HIP1: variants seen among roughly 807,000 people sequenced by gnomAD.
HIP1 encodes huntingtin interacting protein 1, also known as huntingtin-interacting protein 1.
A neutral mutation model predicts 147.6 loss-of-function variants in HIP1; 65 were observed. The ratio of observed to expected loss-of-function variants is 0.44; its 90% CI spans 0.36 to 0.54. The LOEUF (loss-of-function observed/expected upper bound fraction) is 0.54. Among genes scored for constraint, HIP1 ranks in the 20% least tolerant of loss-of-function variants. The probability of loss-of-function intolerance (pLI) is 0.00; values close to 1 mark genes in which losing one functional copy is unlikely to be tolerated. For missense variants in HIP1, 1,061 were observed against 1,299.6 expected (o/e 0.82, Z 2.82); for synonymous variants, 479 against 504.0 (o/e 0.95, Z 0.67).
At chr7:75,659,466 T>A (rs1243544715) in intron 1 of HIP1, among the ~76,000 whole-genome samples, 1 of 151,910 alleles carries the variant, frequency 6.6e-6, no homozygotes, top group Non-Finnish European at 1.5e-5. Context: ...CTGGCCAACC[T>A]GGCAAAACCC....
intron 1 of HIP1, among the ~76,000 whole-genome samples, chr7:75,710,595 C>A (rs993119435): frequency 2.6e-5 from 4 of 152,002 alleles, no homozygotes; most frequent in African/African-American, 9.7e-5. Context: ...TAGTTCTAAA[C>A]GATCTTGTAA....
At chr7:75,596,973 C>T (rs1322384693) in intron 2 of HIP1, among the ~76,000 whole-genome samples, 2 of 152,172 alleles carry the variant, frequency 1.3e-5, no homozygotes, top group Admixed American at 6.5e-5. Flanking sequence ...ACAAATTATT[C>T]GTAGGTAAGG....
chr7:75,677,503 G>A (rs1456688893), intron 1 of HIP1, among the ~76,000 whole-genome samples: 5 of 150,130 alleles, frequency 3.3e-5, no homozygotes, highest in Non-Finnish European at 1.5e-5. Flanking sequence ...CTACTCAGGA[G>A]GTTGAGGCAT....
Position 75,581,739 on chromosome 7 carries a change from A to G in HIP1, c.542+336T>C, listed in dbSNP as rs369302107. 3.9e-5 allele frequency among the ~76,000 whole-genome samples: 6 copies of G among 152,292 alleles called. No homozygotes were observed. In the East Asian group the frequency reaches 9.7e-4, roughly 25 times the overall value. On this transcript the variant is annotated intron_variant, in intron 6 of 30. Coordinates refer to ENST00000336926, the MANE Select transcript of HIP1 (RefSeq NM_005338.7). ...GGCTGCAGTAAGCCGAGATCAAGTC[A>G]CTGCACTCCAGCCTGGGTAACAGGG...
intron 1 of HIP1, among the ~76,000 whole-genome samples, chr7:75,660,337 G>A (rs900746656): frequency 6.6e-6 from 1 of 151,234 alleles, no homozygotes; most frequent in African/African-American, 2.4e-5. Context: ...GACCAGCCTG[G>A]CCAACATGGC....
intron 1 of HIP1, among the ~76,000 whole-genome samples, chr7:75,599,630 G>A (rs1211338809): frequency 2.0e-5 from 3 of 152,098 alleles, no homozygotes; most frequent in African/African-American, 4.8e-5. Flanking sequence ...GGGAGCGACC[G>A]TGGCCCAAGA....
intron 12 of HIP1, 61 bp downstream of exon 12, chr7:75,562,012 G>C (rs1433828755): frequency 2.1e-6 from 2 of 954,374 alleles, no homozygotes; most frequent in South Asian, 1.3e-5. Context: ...TTAGTGTTTT[G>C]AGGCAGACCA....
chr7:75,661,330 C>T (rs1010599822), intron 1 of HIP1, among the ~76,000 whole-genome samples: 28 of 149,902 alleles, frequency 1.9e-4, no homozygotes, highest in Middle Eastern at 3.5e-3. Flanking sequence ...CCCAGTACTT[C>T]GGGAAGCCAA....
At chr7:75,619,084 C>T (rs1472428374) in intron 1 of HIP1, among the ~76,000 whole-genome samples, 4 of 152,094 alleles carry the variant, frequency 2.6e-5, no homozygotes, top group Non-Finnish European at 5.9e-5. Flanking sequence ...TCCTGTACCC[C>T]GAGTTTGTAC....
intron 1 of HIP1, among the ~76,000 whole-genome samples, chr7:75,670,940 T>G (rs1011296369): frequency 2.0e-5 from 3 of 151,790 alleles, no homozygotes; most frequent in African/African-American, 7.3e-5. Context: ...CTACTTTCTA[T>G]CTCTACGATT....
intron 4 of HIP1, among the ~76,000 whole-genome samples, chr7:75,588,701 G>A (rs1196163664): frequency 1.3e-5 from 2 of 152,072 alleles, no homozygotes; most frequent in Non-Finnish European, 2.9e-5. Context: ...CTGAGCTCAG[G>A]AGGTTGAGGC....
intron 1 of HIP1, among the ~76,000 whole-genome samples, chr7:75,730,875 C>T (rs782776947): frequency 2.6e-5 from 4 of 151,292 alleles, no homozygotes; most frequent in Non-Finnish European, 5.9e-5. Context: ...GCTGGGATTA[C>T]AGGCATGCAC....
At chr7:75,559,699 C>CGG in intron 14 of HIP1, 33 bp downstream of exon 14, 6 of 1,226,528 alleles carry the variant, frequency 4.9e-6, no homozygotes, top group Non-Finnish European at 5.7e-6. Flanking sequence ...CGCCTGCCCC[C>CGG]GGGGCCCGCC....
intron 1 of HIP1, among the ~76,000 whole-genome samples, chr7:75,706,337 T>C (rs1800993224): frequency 6.6e-6 from 1 of 152,090 alleles, no homozygotes; most frequent in Non-Finnish European, 1.5e-5. Flanking sequence ...ATTTATTGTT[T>C]GTTTGTTTGT....
intron 1 of HIP1, among the ~76,000 whole-genome samples, chr7:75,666,720 C>T (rs1011218193): frequency 2.6e-5 from 4 of 152,072 alleles, no homozygotes; most frequent in South Asian, 2.1e-4. Flanking sequence ...GGAGAAAGTA[C>T]GGATGTGTTT....
At chr7:75,704,213 A>G (rs1039574575) in intron 1 of HIP1, among the ~76,000 whole-genome samples, 5 of 152,304 alleles carry the variant, frequency 3.3e-5, no homozygotes, top group Admixed American at 3.3e-4. Flanking sequence ...TAGTTCTTAC[A>G]TAACAGCCTT....
At chr7:75,572,231 A>C (rs900083728) in intron 8 of HIP1, among the ~76,000 whole-genome samples, 2 of 151,988 alleles carry the variant, frequency 1.3e-5, no homozygotes, top group South Asian at 2.1e-4. Flanking sequence ...CTCAGAAAAA[A>C]AAAAAAAAAA....
At chr7:75,708,735 C>T (rs1801076454) in intron 1 of HIP1, among the ~76,000 whole-genome samples, 1 of 152,030 alleles carries the variant, frequency 6.6e-6, no homozygotes, top group Non-Finnish European at 1.5e-5. Context: ...TATGCCAGTA[C>T]CACACTGTTT....
chr7:75,609,499 T>C (rs1797347157), intron 1 of HIP1, among the ~76,000 whole-genome samples: 1 of 151,994 alleles, frequency 6.6e-6, no homozygotes, highest in Non-Finnish European at 1.5e-5. Flanking sequence ...CTCCCTCTTC[T>C]TTCTACTTTC....
Sources: allele counts gnomAD v4.1 joint callset (sites outside exome capture counted in the v4.1 genomes callset), GRCh38; gene constraint gnomAD v4.1.1; transcripts MANE v1.5; gene names NCBI Gene and HGNC (gene_info 2026-07-23, HGNC 2026-07-21).